Variants in PRKG1 observed in about 807,000 individuals in gnomAD.
The protein encoded by PRKG1 is cGMP-dependent protein kinase 1.
A neutral mutation model predicts 88.1 loss-of-function variants in PRKG1; 35 were observed. That is an observed-to-expected ratio of 0.40 (90% CI 0.30 to 0.53). The LOEUF is 0.53. Ranked by LOEUF, PRKG1 falls within the 20% of genes least tolerant of loss-of-function variation. The pLI, the probability that PRKG1 is intolerant of heterozygous loss-of-function variation, is 0.59. For missense variants in PRKG1, 540 were observed against 839.8 expected, an observed-to-expected ratio of 0.64 and a Z score of 4.41; for synonymous variants, 303 against 292.5, an observed-to-expected ratio of 1.04 and a Z score of -0.37.
chr10:51,086,552 G>C (rs1474872861), intron 1 of PRKG1, among the ~76,000 whole-genome samples: 2 of 152,216 alleles, frequency 1.3e-5, no homozygotes, highest in Middle Eastern at 3.4e-3. Flanking sequence ...TATTTGAAGA[G>C]TATCCATTAA....
chr10:51,964,250 C>CA (rs1843515392), intron 5 of PRKG1, among the ~76,000 whole-genome samples: 1 of 152,178 alleles, frequency 6.6e-6, no homozygotes. Flanking sequence ...ATCACATCTT[C>CA]AAAATCCCTT....
In PRKG1 at chr10:51,179,370, C is replaced by T. The variant is rs756217329; in HGVS notation, c.478+26040C>T. On this transcript the variant is annotated intron_variant, in intron 2 of 17. Coordinates refer to ENST00000373980, the MANE Select transcript of PRKG1 (RefSeq NM_006258.4). ...AGCTGCAGACAAAACTTAAATGAAG[C>T]TAAAAGTGATGATTTAGAGAAGGTT... Among the ~76,000 whole-genome samples, 65 of 152,112 alleles carry T rather than the reference C, an allele frequency of 4.3e-4. 1 individual carries two copies. The highest frequency in any genetic ancestry group is 1.3e-4 in the Non-Finnish European group (9 of 68,030).
chr10:51,227,693 G>A (rs1838730108), intron 2 of PRKG1, among the ~76,000 whole-genome samples: 1 of 152,176 alleles, frequency 6.6e-6, no homozygotes, highest in African/African-American at 2.4e-5. Context: ...AAAAGCCAGA[G>A]TTCAGCAACA....
rs546824522 is a variant in PRKG1 at position 52,194,201 on chromosome 10, TA to T, written c.1076+32239del. Among the ~76,000 whole-genome samples, 206 of 152,286 alleles carry T rather than the reference TA, an allele frequency of 1.4e-3. 5 individuals carry two copies. The highest frequency in any genetic ancestry group is 4.7e-3 in the African/African-American group (196 of 41,586). ...CTTAACAGAAATTGCTAAGTTCTAT[TA>T]GCTGGAAACATAATTTCCTGTTTTT... On this transcript the variant is annotated intron_variant, in intron 9 of 17. Transcript: ENST00000373980.
At chr10:51,756,816 A>G (rs897806580) in intron 3 of PRKG1, among the ~76,000 whole-genome samples, 3 of 151,468 alleles carry the variant, frequency 2.0e-5, no homozygotes, top group African/African-American at 7.3e-5. Context: ...CTCCATCTCA[A>G]AAATAAATAA....
At chr10:51,485,989 A>G (rs949741009) in intron 3 of PRKG1, among the ~76,000 whole-genome samples, 9 of 152,186 alleles carry the variant, frequency 5.9e-5, no homozygotes, top group Non-Finnish European at 1.2e-4. Context: ...TTTTATAAAG[A>G]TGTTCGTTAC....
At chr10:51,518,557 T>C (rs1020334847) in intron 3 of PRKG1, among the ~76,000 whole-genome samples, 1 of 152,192 alleles carries the variant, frequency 6.6e-6, no homozygotes, top group Non-Finnish European at 1.5e-5. Context: ...ATATAAAACA[T>C]GCATTGGAGA....
At chr10:52,077,657 C>T (rs1394541858) in intron 7 of PRKG1, among the ~76,000 whole-genome samples, 3 of 151,950 alleles carry the variant, frequency 2.0e-5, no homozygotes, top group African/African-American at 7.3e-5. Flanking sequence ...GACAGTCGTA[C>T]CCACTATCAC....
At chr10:51,929,069 T>C (rs1440780463) in intron 5 of PRKG1, among the ~76,000 whole-genome samples, 1 of 152,144 alleles carries the variant, frequency 6.6e-6, no homozygotes, top group Non-Finnish European at 1.5e-5. Context: ...CATTAATGTA[T>C]AAATCAAGAA....
At chr10:51,947,244 C>T (rs183292986) in intron 5 of PRKG1, among the ~76,000 whole-genome samples, 69 of 152,218 alleles carry the variant, frequency 4.5e-4, no homozygotes, top group African/African-American at 1.5e-3. Flanking sequence ...AGCGAGACTC[C>T]GTGGGCGTAG....
chr10:51,122,860 C>T (rs988084982), intron 1 of PRKG1, among the ~76,000 whole-genome samples: 2 of 152,176 alleles, frequency 1.3e-5, no homozygotes, highest in African/African-American at 4.8e-5. Context: ...AACCAGGTAT[C>T]TTCCTGTCTC....
chr10:51,324,880 G>A (rs1231473392), intron 2 of PRKG1, among the ~76,000 whole-genome samples: 1 of 152,206 alleles, frequency 6.6e-6, no homozygotes, highest in East Asian at 1.9e-4. Context: ...TCACGTTCAT[G>A]TACTGATTTC....
At chr10:52,176,968 A>G (rs995243185) in intron 9 of PRKG1, among the ~76,000 whole-genome samples, 8 of 152,074 alleles carry the variant, frequency 5.3e-5, no homozygotes, top group Non-Finnish European at 1.0e-4. Context: ...GTAAACAGGG[A>G]CAGTATGATT....
rs144431894 is a variant in PRKG1, at chr10:51,240,595, G to A, written c.478+87265G>A. On this transcript the variant is annotated intron_variant, in intron 2 of 17. Coordinates refer to ENST00000373980, the MANE Select transcript of PRKG1 (RefSeq NM_006258.4). ...TTATGCCTCTTTAATATCTAGAAAT[G>A]TATTCACAGGACAAATGTTTTGTAT... Among the ~76,000 whole-genome samples the A allele has an allele frequency of 7.2e-5, 11 of 152,280 alleles. No homozygotes were observed. In the East Asian group the frequency reaches 2.1e-3, roughly 29 times the overall value.
At chr10:51,565,337 C>T (rs1269450567) in intron 3 of PRKG1, among the ~76,000 whole-genome samples, 2 of 152,064 alleles carry the variant, frequency 1.3e-5, no homozygotes, top group Non-Finnish European at 2.9e-5. Context: ...GCATATACCC[C>T]TCTTTCCAAG....
chr10:51,737,740 A>ATTATTATTATT (rs765792966), intron 3 of PRKG1, among the ~76,000 whole-genome samples: 117 of 133,416 alleles, frequency 8.8e-4, no homozygotes, highest in Admixed American at 4.6e-3. Flanking sequence ...TTTATTTATT[A>ATTATTATTATT]ATTATTATTA....
chr10:52,174,635 C>T (rs1838806880), intron 9 of PRKG1, among the ~76,000 whole-genome samples: 1 of 151,848 alleles, frequency 6.6e-6, no homozygotes, highest in African/African-American at 2.4e-5. Context: ...GTCTCTATTG[C>T]TCATGTTTTT....
intron 1 of PRKG1, among the ~76,000 whole-genome samples, chr10:51,152,582 A>G (rs1392204341): frequency 6.6e-6 from 1 of 152,090 alleles, no homozygotes; most frequent in African/African-American, 2.4e-5. Flanking sequence ...TACTATTTAT[A>G]GATGACTGGC....
At chr10:51,398,135 A>G (rs749178563) in intron 2 of PRKG1, among the ~76,000 whole-genome samples, 10 of 152,260 alleles carry the variant, frequency 6.6e-5, no homozygotes, top group Non-Finnish European at 1.3e-4. Context: ...TAACCCCCTT[A>G]AGGCAATGGT....
Sources: allele counts gnomAD v4.1 joint callset (sites outside exome capture counted in the v4.1 genomes callset), GRCh38; gene constraint gnomAD v4.1.1; transcripts MANE v1.5; gene names NCBI Gene and HGNC (gene_info 2026-07-23, HGNC 2026-07-21).